DNER: variants seen among roughly 807,000 people sequenced by gnomAD.
DNER encodes the protein delta and Notch-like epidermal growth factor-related receptor.
DNER carries 33 observed loss-of-function variants against 78.2 expected under a neutral mutation model. The ratio of observed to expected loss-of-function variants is 0.42; its 90% CI spans 0.32 to 0.56. The LOEUF (loss-of-function observed/expected upper bound fraction) is 0.56. Ranked by LOEUF, DNER falls within the 20% of genes least tolerant of loss-of-function variation. The probability of loss-of-function intolerance (pLI) is 0.11; values close to 1 mark genes in which losing one functional copy is unlikely to be tolerated. For missense variants in DNER, 918 were observed against 975.3 expected, an observed-to-expected ratio of 0.94 and a Z score of 0.78; for synonymous variants, 417 against 384.8, an observed-to-expected ratio of 1.08 and a Z score of -0.98.
chr2:229,392,144 C>T (rs112037746), intron 10 of DNER, among the ~76,000 whole-genome samples: 4,461 of 151,996 alleles, frequency 0.029, 96 homozygotes, highest in African/African-American at 0.06. Flanking sequence ...CTTTCATATA[C>T]TTCACTAAGA....
intron 5 of DNER, among the ~76,000 whole-genome samples, chr2:229,539,634 C>T (rs1007501243): frequency 2.6e-5 from 4 of 152,170 alleles, no homozygotes; most frequent in East Asian, 3.8e-4. Flanking sequence ...ATCTTATTTC[C>T]GTTCTTTTAT....
chr2:229,579,720 A>T (rs1159465645), intron 4 of DNER, among the ~76,000 whole-genome samples: 1 of 152,192 alleles, frequency 6.6e-6, no homozygotes, highest in Non-Finnish European at 1.5e-5. Flanking sequence ...ACTGAGCCTA[A>T]ATTAGGAACT....
chr2:229,519,601 C>CAGAA (rs1347699746), intron 5 of DNER, among the ~76,000 whole-genome samples: 3 of 152,098 alleles, frequency 2.0e-5, no homozygotes, highest in African/African-American at 7.2e-5. Flanking sequence ...AGCTGGCAAG[C>CAGAA]AGAAGGTCAA....
chr2:229,581,531 G>A (rs1482210327), intron 4 of DNER, among the ~76,000 whole-genome samples: 1 of 152,192 alleles, frequency 6.6e-6, no homozygotes, highest in African/African-American at 2.4e-5. Context: ...TCGAAATTTG[G>A]TGGCAACACA....
intron 6 of DNER, among the ~76,000 whole-genome samples, chr2:229,493,322 C>T (rs536572537): frequency 1.1e-4 from 16 of 152,246 alleles, no homozygotes; most frequent in African/African-American, 2.6e-4. Flanking sequence ...CTTGTATCAC[C>T]GCTATTCTTT....
At chr2:229,395,821 C>A (rs188904842) in intron 10 of DNER, among the ~76,000 whole-genome samples, 1 of 151,990 alleles carries the variant, frequency 6.6e-6, no homozygotes, top group African/African-American at 2.4e-5. Flanking sequence ...TCACTTGAAC[C>A]GGAGAGGCGG....
intron 11 of DNER, among the ~76,000 whole-genome samples, chr2:229,375,929 G>C (rs1055947800): frequency 6.6e-6 from 1 of 152,096 alleles, no homozygotes; most frequent in African/African-American, 2.4e-5. Flanking sequence ...CATGGGGGCG[G>C]GTCCCCCATG....
chr2:229,438,271 C>A (rs566654499), intron 8 of DNER, among the ~76,000 whole-genome samples: 2 of 152,318 alleles, frequency 1.3e-5, no homozygotes, highest in South Asian at 4.1e-4. Context: ...TGAAGGCCAC[C>A]TTTCATGCCA....
At chr2:229,461,532 C>T (rs530775362) in intron 7 of DNER, among the ~76,000 whole-genome samples, 3 of 151,906 alleles carry the variant, frequency 2.0e-5, no homozygotes, top group East Asian at 3.9e-4. Context: ...CACATTTAAC[C>T]TCCAAAATAT....
intron 11 of DNER, among the ~76,000 whole-genome samples, chr2:229,376,986 C>A (rs1292073901): frequency 6.6e-6 from 1 of 151,956 alleles, no homozygotes; most frequent in Non-Finnish European, 1.5e-5. Context: ...AGGAAGAGGC[C>A]CAAGACATCC....
chr2:229,579,715 G>A (rs115877419), intron 4 of DNER, among the ~76,000 whole-genome samples: 1,876 of 152,028 alleles, frequency 0.012, 34 homozygotes, highest in Middle Eastern at 0.051. Context: ...GGCCCACTGA[G>A]CCTAAATTAG....
intron 1 of DNER, among the ~76,000 whole-genome samples, chr2:229,680,204 A>T (rs548997735): frequency 6.6e-5 from 10 of 152,292 alleles, no homozygotes; most frequent in African/African-American, 1.9e-4. Flanking sequence ...TCATCTCAAC[A>T]TATGGTCCCG....
intron 7 of DNER, among the ~76,000 whole-genome samples, chr2:229,455,554 C>T (rs1694554155): frequency 1.3e-5 from 2 of 152,072 alleles, no homozygotes; most frequent in Non-Finnish European, 2.9e-5. Context: ...TGTCTATAAA[C>T]GGAGATTTCT....
intron 6 of DNER, among the ~76,000 whole-genome samples, chr2:229,479,235 GCA>G (rs981700262): frequency 2.6e-5 from 4 of 152,248 alleles, no homozygotes; most frequent in African/African-American, 7.2e-5. Flanking sequence ...TAAGTAATTT[GCA>G]CACAGTCATA....
intron 1 of DNER, among the ~76,000 whole-genome samples, chr2:229,676,689 A>G (rs150594356): frequency 3.2e-4 from 48 of 152,300 alleles, no homozygotes; most frequent in African/African-American, 1.1e-3. Context: ...CATGTCTCCC[A>G]AGGAGAACTC....
chr2:229,582,405 G>A (rs1026307138), intron 4 of DNER, among the ~76,000 whole-genome samples: 2 of 152,004 alleles, frequency 1.3e-5, no homozygotes, highest in East Asian at 1.9e-4. Flanking sequence ...GGAAGAGCTC[G>A]GGACAGGACT....
intron 8 of DNER, among the ~76,000 whole-genome samples, chr2:229,425,967 T>C (rs1049929751): frequency 6.0e-5 from 9 of 150,380 alleles, no homozygotes; most frequent in African/African-American, 1.9e-4. Context: ...TTTTACTTTA[T>C]AGTCAGGCTG....
intron 1 of DNER, among the ~76,000 whole-genome samples, chr2:229,701,254 A>C (rs998262587): frequency 6.6e-6 from 1 of 152,376 alleles, no homozygotes; most frequent in African/African-American, 2.4e-5. Context: ...CATATTTTAA[A>C]TGCAAGTTAG....
chr2:229,706,432 A>C (rs960693145), intron 1 of DNER, among the ~76,000 whole-genome samples: 1 of 151,654 alleles, frequency 6.6e-6, no homozygotes, highest in African/African-American at 2.4e-5. Flanking sequence ...ATGTGGTGGC[A>C]CACACCTATA....
Sources: gnomAD v4.1 joint callset for allele counts (sites outside exome capture counted in the v4.1 genomes callset) on GRCh38, gnomAD v4.1.1 for gene constraint, MANE v1.5 for transcripts, NCBI Gene and HGNC (gene_info 2026-07-23, HGNC 2026-07-21) for gene names.